The following MAOA variants were observed in gnomAD, a reference collection of about 807,000 sequenced individuals.
MAOA encodes monoamine oxidase A.
Under a neutral mutation model 42.0 loss-of-function variants are expected in MAOA, and 6 were observed. The ratio of observed to expected loss-of-function variants is 0.14; its 90% CI spans 0.08 to 0.28. The LOEUF (loss-of-function observed/expected upper bound fraction) is 0.28. Among genes scored for constraint, MAOA ranks in the 10% least tolerant of loss-of-function variants. The probability of loss-of-function intolerance (pLI) is 1.00; values close to 1 mark genes in which losing one functional copy is unlikely to be tolerated. For missense variants in MAOA, 262 were observed against 422.3 expected, an observed-to-expected ratio of 0.62 and a Z score of 3.33; for synonymous variants, 140 against 154.0, an observed-to-expected ratio of 0.91 and a Z score of 0.67.
chrX:43,663,010 T>G (rs1359730436), intron 1 of MAOA, among the ~76,000 whole-genome samples: 1 of 111,692 alleles, frequency 9.0e-6, no homozygotes, highest in Non-Finnish European at 1.9e-5. Context: ...TCATTGTGTA[T>G]TAGGGAAATT....
At chrX:43,675,854 G>C (rs1038845439) in intron 1 of MAOA, among the ~76,000 whole-genome samples, 1 of 111,949 alleles carries the variant, frequency 8.9e-6, no homozygotes, top group East Asian at 2.8e-4. Context: ...TGCCTCTACT[G>C]GGGGGTGCCT....
intron 3 of MAOA, among the ~76,000 whole-genome samples, chrX:43,708,856 T>G (rs2033678573): frequency 9.4e-6 from 1 of 106,350 alleles, no homozygotes; most frequent in South Asian, 4.3e-4. Context: ...TAGAGACGGG[T>G]TTTTTTGTTT....
chrX:43,737,503 G>T (rs1244764299), intron 10 of MAOA, among the ~76,000 whole-genome samples: 1 of 112,009 alleles, frequency 8.9e-6, no homozygotes, highest in Non-Finnish European at 1.9e-5. Flanking sequence ...TGTTCCGTAG[G>T]TAGCACTTTC....
At chrX:43,716,632 G>A (rs573296203) in intron 5 of MAOA, among the ~76,000 whole-genome samples, 1 of 110,812 alleles carries the variant, frequency 9.0e-6, no homozygotes, top group South Asian at 3.8e-4. Context: ...GACAGTGGTG[G>A]GGGTGGGAGA....
intron 11 of MAOA, 89 bp downstream of exon 11, chrX:43,740,827 CT>C: frequency 1.2e-6 from 1 of 845,859 alleles, no homozygotes; most frequent in Non-Finnish European, 1.7e-6. Flanking sequence ...TTTTGACAGT[CT>C]TATGAAGAGA....
At chrX:43,667,005 C>CG (rs1205853451) in intron 1 of MAOA, among the ~76,000 whole-genome samples, 6 of 91,051 alleles carry the variant, frequency 6.6e-5, no homozygotes, top group Admixed American at 1.2e-4. Context: ...GGGTGGGGGG[C>CG]GGGGGGGATA....
chrX:43,723,849 G>A (rs1186470352), intron 5 of MAOA, among the ~76,000 whole-genome samples: 2 of 111,642 alleles, frequency 1.8e-5, no homozygotes, highest in Non-Finnish European at 3.8e-5. Flanking sequence ...TTTGAGATAC[G>A]TTCCATCAAT....
chrX:43,683,640 T>C, intron 2 of MAOA, 33 bp downstream of exon 2: 1 of 1,057,713 alleles, frequency 9.5e-7, no homozygotes, highest in Middle Eastern at 2.5e-4. Flanking sequence ...TGTAATGTAA[T>C]ATCTCACTCA....
intron 1 of MAOA, among the ~76,000 whole-genome samples, chrX:43,675,472 C>T (rs1013423122): frequency 3.6e-5 from 4 of 112,642 alleles, no homozygotes; most frequent in Non-Finnish European, 7.5e-5. Context: ...AGCTTTGTTC[C>T]GTTGCTGGTG....
chrX:43,691,979 C>G (rs1050772004), intron 2 of MAOA, among the ~76,000 whole-genome samples: 1 of 100,960 alleles, frequency 9.9e-6, no homozygotes, highest in African/African-American at 3.7e-5. Flanking sequence ...TACAAAGAGA[C>G]TAGACAAGTT....
chrX:43,686,776 G>T (rs1398745115), intron 2 of MAOA, among the ~76,000 whole-genome samples: 1 of 111,626 alleles, frequency 9.0e-6, no homozygotes, highest in Non-Finnish European at 1.9e-5. Context: ...TCCAGTCTGG[G>T]TGACAGGAGT....
chrX:43,686,705 A>G (rs974536199), intron 2 of MAOA, among the ~76,000 whole-genome samples: 4 of 111,464 alleles, frequency 3.6e-5, no homozygotes, highest in Admixed American at 1.9e-4. Context: ...AGGCTGAGGT[A>G]GGAGAATCAC....
intron 3 of MAOA, among the ~76,000 whole-genome samples, chrX:43,704,986 T>A (rs1290949874): frequency 8.9e-6 from 1 of 112,122 alleles, no homozygotes; most frequent in Non-Finnish European, 1.9e-5. Context: ...AGGCATCCTG[T>A]GTTCATGGAC....
intron 2 of MAOA, among the ~76,000 whole-genome samples, chrX:43,687,856 TCAAAA>T (rs896196820): frequency 2.7e-5 from 3 of 112,699 alleles, no homozygotes; most frequent in African/African-American, 3.2e-5. Flanking sequence ...GGCCCTGCCT[TCAAAA>T]CATATCCAGA....
chrX:43,661,146 G>T (rs897129565), intron 1 of MAOA, among the ~76,000 whole-genome samples: 1 of 111,725 alleles, frequency 9.0e-6, no homozygotes, highest in Non-Finnish European at 1.9e-5. Context: ...ATTACAAGTA[G>T]AGGTAGCTCT....
intron 1 of MAOA, among the ~76,000 whole-genome samples, chrX:43,666,902 ATC>A (rs748807312): frequency 1.3e-3 from 143 of 106,338 alleles, no homozygotes; most frequent in African/African-American, 4.9e-3. Flanking sequence ...CTTCATTAAG[ATC>A]TCTGCTTTTG....
intron 3 of MAOA, among the ~76,000 whole-genome samples, chrX:43,697,831 A>G (rs985917366): frequency 6.3e-5 from 7 of 111,721 alleles, no homozygotes; most frequent in African/African-American, 2.0e-4. Context: ...TTATCAGGAA[A>G]CTATATTAGG....
intron 1 of MAOA, among the ~76,000 whole-genome samples, chrX:43,656,757 A>G (rs1424154690): frequency 1.8e-5 from 2 of 111,286 alleles, no homozygotes; most frequent in African/African-American, 6.6e-5. Flanking sequence ...TGCAAAACCA[A>G]GAAACTGAGG....
intron 5 of MAOA, among the ~76,000 whole-genome samples, chrX:43,722,589 C>G (rs949920160): frequency 2.7e-5 from 3 of 111,771 alleles, no homozygotes; most frequent in Non-Finnish European, 5.6e-5. Flanking sequence ...GATATTAGCC[C>G]TTTGTCAGAT....
Sources: allele counts gnomAD v4.1 joint callset (sites outside exome capture counted in the v4.1 genomes callset), GRCh38; gene constraint gnomAD v4.1.1; transcripts MANE v1.5; gene names NCBI Gene and HGNC (gene_info 2026-07-23, HGNC 2026-07-21).